The following NPBWR2 variants were observed in gnomAD, a reference collection of about 807,000 sequenced individuals.
NPBWR2 encodes the protein neuropeptides B/W receptor type 2.
For synonymous variants in NPBWR2, 207 were observed against 223.5 expected (o/e 0.93, Z 0.66); for missense variants, 390 against 458.2 (o/e 0.85, Z 1.36).
rs536842905 is a variant in NPBWR2, at chr20:64,106,641, G to A, written c.191C>T (p.Thr64Met). The change falls in exon 2 of 2, where the codon ACG (threonine) becomes ATG (methionine). Residue 64 changes from threonine to methionine, a missense_variant. Thr to Met is a moderately conservative substitution (Grantham distance 81). Coordinates refer to ENST00000684052, the MANE Select transcript of NPBWR2 (RefSeq NM_005286.4). This position sits in a 1 kb window ranked among gnomAD's most constrained non-coding sequence, Gnocchi z 9.5. Reference sequence around the variant, plus strand: ...CCTTAGGATTACAAGGATGACGGCCGTGTTGCCAGTCAGCCCCACAGCACA... The same window carrying A: ...CCTTAGGATTACAAGGATGACGGCCATGTTGCCAGTCAGCCCCACAGCACA... The part of the protein sequence containing the change: ...GICAVGLTGN[T>M]AVILVILRAP... 2.7e-5 allele frequency: 43 copies of A among 1,612,640 alleles called. No individual in the cohort carries two copies. In the East Asian group the frequency reaches 5.6e-4, roughly 21 times the overall value.
chr20:64,105,881 G>A lies in NPBWR2; in HGVS notation c.951C>T (p.Ala317=). The A allele has an allele frequency of 6.2e-7, 1 of 1,604,082 alleles. No individual in the cohort carries two copies. The highest frequency in any genetic ancestry group is 8.5e-7 in the Non-Finnish European group (1 of 1,174,548). Residue 317 remains alanine, a synonymous_variant, in exon 2 of 2, where the codon GCC becomes GCT. Transcript: ENST00000684052. ...ANSCLNPFLY[A]FLDDNFRKNF... is the part of the protein sequence containing the mutation. ...TCTTCCGGAAGTTGTCATCTAGAAA[G>A]GCGTAGAGGAAGGGGTTCAGGCACG...
chr20:64,106,123 G>C lies in NPBWR2; in HGVS notation c.709C>G (p.Arg237Gly). 4 of 1,612,120 alleles carry C rather than the reference G, an allele frequency of 2.5e-6. No homozygotes were observed. The highest frequency in any genetic ancestry group is 3.4e-6 in the Non-Finnish European group (4 of 1,179,792). ...TICVLYTDLLRRLRAVRLRSG... is the reference protein window; with the variant it reads ...TICVLYTDLLGRLRAVRLRSG... Reference sequence around the variant, plus strand: ...CGGAGCCGCACGGCCCGCAGCCTGCGCAGGAGGTCTGTGTAGAGCACACAG... The same window carrying C: ...CGGAGCCGCACGGCCCGCAGCCTGCCCAGGAGGTCTGTGTAGAGCACACAG... Residue 237 changes from arginine to glycine, a missense_variant, in exon 2 of 2, where the codon CGC becomes GGC. Arg to Gly is a moderately radical substitution (Grantham distance 125). Coordinates refer to ENST00000684052, the MANE Select transcript of NPBWR2 (RefSeq NM_005286.4). The surrounding 1 kb of genome is among the most constrained non-coding windows in gnomAD (Gnocchi z 9.5).
Position 64,106,054 on chromosome 20 carries a change from C to A in NPBWR2, c.778G>T (p.Val260Phe), listed in dbSNP as rs200425850. 3.5e-5 allele frequency: 57 copies of A among 1,610,448 alleles called. No homozygotes were observed. The Admixed American group carries it at 8.8e-4, about 25-fold the overall frequency. Residue 260 changes from valine to phenylalanine, a missense_variant, in exon 2 of 2, where the codon GTC becomes TTC. By Grantham distance (50) the Val-to-Phe change is conservative. Transcript: ENST00000684052. This position sits in a 1 kb window ranked among gnomAD's most constrained non-coding sequence, Gnocchi z 9.5. ...ALGKARRKVT[V>F]LVLVVLAVCL... ...ACGGCCAGCACGACGAGGACCAGGACGGTCACCTTCCGCCTGGCCTTGCCT... is the reference window on the plus strand; with the variant it reads ...ACGGCCAGCACGACGAGGACCAGGAAGGTCACCTTCCGCCTGGCCTTGCCT...
chr20:64,104,753 G>C lies in NPBWR2; in HGVS notation c.*1077C>G, dbSNP rs1245155332. Among the ~76,000 whole-genome samples the C allele has an allele frequency of 2.4e-4, 32 of 133,758 alleles. No individual in the cohort carries two copies. The highest frequency in any genetic ancestry group is 8.6e-4 in the African/African-American group (31 of 36,116). The allele number at this position is 133,758 out of a possible 152,430, so 87.8% of individuals were successfully genotyped here. A position where few individuals can be genotyped will look rare whatever the true frequency, so the allele number is the denominator to read the frequency against. ...ATAGGGGAGCACAGGCCATGGTGAGGACTGTCGGCCACAGCAGGGGGGCAC... is the reference window on the plus strand; with the variant it reads ...ATAGGGGAGCACAGGCCATGGTGAGCACTGTCGGCCACAGCAGGGGGGCAC... On this transcript the variant is annotated 3_prime_UTR_variant, in exon 2 of 2. Transcript: ENST00000684052.
At position 64,105,750 on chromosome 20, in the gene NPBWR2, G is replaced by GATGATGATGGGGGGTGATGA; in HGVS notation, c.*79_*80insTCATCACCCCCCATCATCAT. 1 of 1,053,324 alleles carries GATGATGATGGGGGGTGATGA rather than the reference G, an allele frequency of 9.5e-7. No homozygotes were observed. The highest frequency in any genetic ancestry group is 1.3e-6 in the Non-Finnish European group (1 of 768,272). The allele number at this position is 1,053,324 out of a possible 1,614,324, so 65.2% of individuals were successfully genotyped here. Reference sequence around the variant, plus strand: ...GGGGGGGGGTGGGCCTGATGGGGGTGTGGGCATGATGATGATGGGCGTGAT... The same window carrying GATGATGATGGGGGGTGATGA: ...GGGGGGGGGTGGGCCTGATGGGGGTGATGATGATGGGGGGTGATGATGGGCATGATGATGATGGGCGTGAT... On this transcript the variant is annotated 3_prime_UTR_variant, in exon 2 of 2. Transcript: ENST00000684052.
chr20:64,106,271 G>A lies in NPBWR2; in HGVS notation c.561C>T (p.Val187=). The A allele has an allele frequency of 1.2e-6, 2 of 1,612,844 alleles. No individual in the cohort carries two copies. Among genetic ancestry groups the A allele is most frequent in the Non-Finnish European group, 1.7e-6 (2 of 1,180,014 alleles). The change falls in exon 2 of 2, where the codon GTC becomes GTT. Residue 187 remains valine (V), a synonymous_variant. Coordinates refer to ENST00000684052, the MANE Select transcript of NPBWR2 (RefSeq NM_005286.4). This position sits in a 1 kb window ranked among gnomAD's most constrained non-coding sequence, Gnocchi z 9.5. ...LVLPFFSFAG[V]YSNELQVPSC... ...TTGGGACCTGCAGCTCGTTGCTGTAGACGCCAGCGAAAGAGAAGAAGGGCA... is the reference window on the plus strand; with the variant it reads ...TTGGGACCTGCAGCTCGTTGCTGTAAACGCCAGCGAAAGAGAAGAAGGGCA...
Position 64,105,727 on chromosome 20 carries a change from G to A in NPBWR2, c.*103C>T, listed in dbSNP as rs1214106146. ...ATGGTGGGGGTGGTGGTGGGGGTGG[G>A]GGGGGGTGGGCCTGATGGGGGTGTG... On this transcript the variant is annotated 3_prime_UTR_variant, in exon 2 of 2. Transcript: ENST00000684052. The A allele has an allele frequency of 7.5e-5, 38 of 508,090 alleles. No homozygotes were observed. Among genetic ancestry groups the A allele is most frequent in the South Asian group, 1.9e-4 (7 of 36,698 alleles). 31.5% of individuals were successfully genotyped at this position (508,090 alleles called of 1,614,324 possible).
In NPBWR2 at chr20:64,106,146, CAGAT is replaced by C; in HGVS notation, c.682_685del (p.Ile228ValfsTer23). 1 of 1,612,360 alleles carries C rather than the reference CAGAT, an allele frequency of 6.2e-7. No homozygotes were observed. The highest frequency in any genetic ancestry group is 8.5e-7 in the Non-Finnish European group (1 of 1,179,826). On this transcript the variant is annotated frameshift_variant, in exon 2 of 2. Transcript: ENST00000684052. LOFTEE classifies it low-confidence loss of function (END_TRUNC). This position sits in a 1 kb window ranked among gnomAD's most constrained non-coding sequence, Gnocchi z 9.5. ...GCGCAGGAGGTCTGTGTAGAGCACA[CAGAT>C]GGTGCACACGGGCAGCACGAAGCCC...
Position 64,105,742 on chromosome 20 carries a change from ATGGGGGTG to A in NPBWR2, c.*80_*87del. ...GTGGGGGTGGGGGGGGGTGGGCCTG[ATGGGGGTG>A]TGGGCATGATGATGATGGGCGTGAT... is the stretch of plus-strand genomic sequence containing the variant. On this transcript the variant is annotated 3_prime_UTR_variant, in exon 2 of 2. Coordinates refer to ENST00000684052, the MANE Select transcript of NPBWR2 (RefSeq NM_005286.4). 1.5e-6 allele frequency: 1 copy of A among 664,316 alleles called. No individual in the cohort carries two copies. The highest frequency in any genetic ancestry group is 2.1e-6 in the Non-Finnish European group (1 of 481,810). 41.2% of individuals were successfully genotyped at this position (664,316 alleles called of 1,614,324 possible). A position where few individuals can be genotyped will look rare whatever the true frequency, so the allele number is the denominator to read the frequency against.
chr20:64,105,079 C>T lies in NPBWR2; in HGVS notation c.*751G>A, dbSNP rs914483453. Reference sequence around the variant, plus strand: ...CTGGGTCTCATGCGGTGCAGGTGTCCGCCTTTGCAGCAACACAGCATCGCT... The same window carrying T: ...CTGGGTCTCATGCGGTGCAGGTGTCTGCCTTTGCAGCAACACAGCATCGCT... On this transcript the variant is annotated 3_prime_UTR_variant, in exon 2 of 2. Transcript: ENST00000684052. 1.3e-5 allele frequency among the ~76,000 whole-genome samples: 2 copies of T among 152,126 alleles called. No homozygotes were observed. Among genetic ancestry groups the T allele is most frequent in the African/African-American group, 2.4e-5 (1 of 41,416 alleles).
rs754503168 is a variant in NPBWR2, at chr20:64,106,287, A to C, written c.545T>G (p.Phe182Cys). 27 of 1,612,728 alleles carry C rather than the reference A, an allele frequency of 1.7e-5. No homozygotes were observed. Among genetic ancestry groups the C allele is most frequent in the Non-Finnish European group, 2.2e-5 (26 of 1,179,984 alleles). The change falls in exon 2 of 2, where the codon TTC (phenylalanine) becomes TGC (cysteine). Residue 182 changes from phenylalanine (F) to cysteine (C), a missense_variant. By Grantham distance (205) the Phe-to-Cys change is radical. Transcript: ENST00000684052. The surrounding 1 kb of genome is among the most constrained non-coding windows in gnomAD (Gnocchi z 9.5). ...LGVTVLVLPF[F>C]SFAGVYSNEL... ...GTTGCTGTAGACGCCAGCGAAAGAG[A>C]AGAAGGGCAGAACCAGGACCGTGAC...
Position 64,107,107 on chromosome 20 carries a change from C to T in NPBWR2, c.-91-185G>A, listed in dbSNP as rs541684915. On this transcript the variant is annotated intron_variant, in intron 1 of 1. Transcript: ENST00000684052. The surrounding 1 kb of genome is among the most constrained non-coding windows in gnomAD (Gnocchi z 6.3). ...CTGGTGAGACTTCAGCAGATCAGTTCCCTCCTCCCGCAGAGAGCAGCTGCT... is the reference window on the plus strand; with the variant it reads ...CTGGTGAGACTTCAGCAGATCAGTTTCCTCCTCCCGCAGAGAGCAGCTGCT... 69 of 563,176 alleles carry T rather than the reference C, an allele frequency of 1.2e-4. No individual in the cohort carries two copies. The highest frequency in any genetic ancestry group is 2.0e-4 in the Non-Finnish European group (60 of 307,656). 34.9% of individuals were successfully genotyped at this position (563,176 alleles called of 1,614,324 possible).
In NPBWR2 at chr20:64,105,690, G is replaced by GGCGTGA. The variant is rs1979978025; in HGVS notation, c.*139_*140insTCACGC. On this transcript the variant is annotated 3_prime_UTR_variant, in exon 2 of 2. Coordinates refer to ENST00000684052, the MANE Select transcript of NPBWR2 (RefSeq NM_005286.4). ...GATGATGGGCGTGATGATGGGGGTG[G>GGCGTGA]TGGTGGGGGTGATGGTGGGGGTGGT... 7.6e-6 allele frequency: 2 copies of GGCGTGA among 262,638 alleles called. No homozygotes were observed. Among genetic ancestry groups the GGCGTGA allele is most frequent in the Non-Finnish European group, 1.3e-5 (2 of 158,540 alleles). The allele number at this position is 262,638 out of a possible 1,614,324, so 16.3% of individuals were successfully genotyped here. A position where few individuals can be genotyped will look rare whatever the true frequency, so the allele number is the denominator to read the frequency against.
Position 64,107,125 on chromosome 20 carries a change from C to A in NPBWR2, c.-91-203G>T. On this transcript the variant is annotated intron_variant, in intron 1 of 1. Coordinates refer to ENST00000684052, the MANE Select transcript of NPBWR2 (RefSeq NM_005286.4). The surrounding 1 kb of genome is among the most constrained non-coding windows in gnomAD (Gnocchi z 6.3). ...ATCAGTTCCCTCCTCCCGCAGAGAG[C>A]AGCTGCTGGCCACCCTCCTGGGAAG... 1.9e-6 allele frequency: 1 copy of A among 522,226 alleles called. No individual in the cohort carries two copies. The highest frequency in any genetic ancestry group is 3.5e-6 in the Non-Finnish European group (1 of 283,416). The allele number at this position is 522,226 out of a possible 1,614,324, so 32.3% of individuals were successfully genotyped here.
In NPBWR2 at chr20:64,106,002, T is replaced by C. The variant is rs1980013988; in HGVS notation, c.830A>G (p.His277Arg). 1 of 1,611,938 alleles carries C rather than the reference T, an allele frequency of 6.2e-7. No individual in the cohort carries two copies. Among genetic ancestry groups the C allele is most frequent in the African/African-American group, 1.3e-5 (1 of 74,788 alleles). ...GGTCAGGGCCACGACAGAGGCCAGG[T>C]GGAAGGGCGTCCAGCAGAGGAGGCA... ...AVCLLCWTPF[H>R]LASVVALTTD... Residue 277 changes from histidine to arginine, a missense_variant, in exon 2 of 2, where the codon CAC becomes CGC. Physicochemically the swap from His to Arg is conservative, Grantham distance 29. Transcript: ENST00000684052. This position sits in a 1 kb window ranked among gnomAD's most constrained non-coding sequence, Gnocchi z 9.5.
chr20:64,105,077 T>TCC lies in NPBWR2; in HGVS notation c.*751_*752dup, dbSNP rs35741355. The stretch of plus-strand genomic sequence containing the variant: ...TTCTGGGTCTCATGCGGTGCAGGTG[T>TCC]CCGCCTTTGCAGCAACACAGCATCG... On this transcript the variant is annotated 3_prime_UTR_variant, in exon 2 of 2. Transcript: ENST00000684052. Among the ~76,000 whole-genome samples the TCC allele has an allele frequency of 0.12, 18,318 of 152,148 alleles. 1,283 individuals carry two copies. Among genetic ancestry groups the TCC allele is most frequent in the South Asian group, 0.2 (973 of 4,824 alleles).
In NPBWR2 at chr20:64,104,476, G is replaced by T. The variant is rs932141059; in HGVS notation, c.*1354C>A. Among the ~76,000 whole-genome samples the T allele has an allele frequency of 6.6e-6, 1 of 151,490 alleles. No homozygotes were observed. The highest frequency in any genetic ancestry group is 1.5e-5 in the Non-Finnish European group (1 of 67,830). On this transcript the variant is annotated 3_prime_UTR_variant, in exon 2 of 2. Coordinates refer to ENST00000684052, the MANE Select transcript of NPBWR2 (RefSeq NM_005286.4). ...TGTACAGGCCATGGCGAGGACCGTCGGCCACAGCAGGGGGGTACAGGGGAG... is the reference window on the plus strand; with the variant it reads ...TGTACAGGCCATGGCGAGGACCGTCTGCCACAGCAGGGGGGTACAGGGGAG...
At position 64,106,103 on chromosome 20, in the gene NPBWR2, C is replaced by T. The variant is rs745663999; in HGVS notation, c.729G>A (p.Arg243=). 6.8e-6 allele frequency: 11 copies of T among 1,611,630 alleles called. No individual in the cohort carries two copies. The South Asian group carries it at 1.1e-4, about 16-fold the overall frequency. Residue 243 remains arginine, a synonymous_variant, in exon 2 of 2, where the codon CGG becomes CGA. Coordinates refer to ENST00000684052, the MANE Select transcript of NPBWR2 (RefSeq NM_005286.4). This position sits in a 1 kb window ranked among gnomAD's most constrained non-coding sequence, Gnocchi z 9.5. The part of the protein sequence containing the change: ...TDLLRRLRAV[R]LRSGAKALGK... ...CTAGAGCCTTGGCTCCAGAGCGGAG[C>T]CGCACGGCCCGCAGCCTGCGCAGGA...
rs1314687407 is a variant in NPBWR2 at position 64,106,871 on chromosome 20, G to A, written c.-40C>T. ...TTGACGATTTGCGCCCTGGGCAGGTGGGAGGTGCCTTGGAGTTGGGTATCT... is the reference window on the plus strand; with the variant it reads ...TTGACGATTTGCGCCCTGGGCAGGTAGGAGGTGCCTTGGAGTTGGGTATCT... On this transcript the variant is annotated 5_prime_UTR_variant, in exon 2 of 2. Coordinates refer to ENST00000684052, the MANE Select transcript of NPBWR2 (RefSeq NM_005286.4). This position sits in a 1 kb window ranked among gnomAD's most constrained non-coding sequence, Gnocchi z 9.5. 1.3e-6 allele frequency: 2 copies of A among 1,585,404 alleles called. No homozygotes were observed. Among genetic ancestry groups the A allele is most frequent in the Non-Finnish European group, 1.7e-6 (2 of 1,162,538 alleles).
Sources: allele counts gnomAD v4.1 joint callset (sites outside exome capture counted in the v4.1 genomes callset), GRCh38; gene constraint gnomAD v4.1.1; non-coding constraint Gnocchi (gnomAD v3.1); transcripts MANE v1.5; gene names NCBI Gene and HGNC (gene_info 2026-07-23, HGNC 2026-07-21).